The following FGF14 variants were observed in gnomAD, a reference collection of about 807,000 sequenced individuals.
FGF14 encodes fibroblast growth factor 14.
FGF14 carries 5 observed loss-of-function variants against 25.5 expected under a neutral mutation model. The observed-to-expected ratio is 0.20, with a 90% CI of 0.10 to 0.41. The LOEUF is 0.41. Among genes scored for constraint, FGF14 ranks in the 10% least tolerant of loss-of-function variants. FGF14 has a pLI of 1.00. For missense variants in FGF14, 222 were observed against 320.1 expected (o/e 0.69, Z 2.34); for synonymous variants, 138 against 118.3 (o/e 1.17, Z -1.08).
At chr13:102,292,779 A>C (rs2054494977) in intron 1 of FGF14, 1 of 152,224 alleles carries the variant, frequency 6.6e-6, no homozygotes, top group Admixed American at 6.5e-5. Context: ...AGACACAATG[A>C]ATGACAATGG....
chr13:102,349,944 A>C (rs1336730165), intron 1 of FGF14, among the ~76,000 whole-genome samples: 1 of 152,240 alleles, frequency 6.6e-6, no homozygotes, highest in Non-Finnish European at 1.5e-5. Flanking sequence ...GGAAAATTAT[A>C]ATTACACATG....
chr13:101,726,065 A>G (rs886805957), intron 4 of FGF14, among the ~76,000 whole-genome samples: 1 of 152,022 alleles, frequency 6.6e-6, no homozygotes, highest in African/African-American at 2.4e-5. Flanking sequence ...ACAGTGAAGA[A>G]TTACACAATT....
intron 1 of FGF14, among the ~76,000 whole-genome samples, chr13:102,378,039 T>C (rs1862792076): frequency 6.6e-6 from 1 of 152,194 alleles, no homozygotes; most frequent in Admixed American, 6.6e-5. Flanking sequence ...GCCTCTAATA[T>C]GTCTACCTTC....
At chr13:102,027,091 G>T (rs1197499319) in intron 1 of FGF14, among the ~76,000 whole-genome samples, 2 of 151,790 alleles carry the variant, frequency 1.3e-5, no homozygotes, top group African/African-American at 2.4e-5. Flanking sequence ...TTCCTCCTTT[G>T]GCATAGTCAA....
intron 1 of FGF14, among the ~76,000 whole-genome samples, chr13:102,388,456 G>A (rs1302051887): frequency 1.3e-5 from 2 of 152,084 alleles, no homozygotes; most frequent in African/African-American, 2.4e-5. Flanking sequence ...TCCAAAAGTC[G>A]ATGGAGGCCA....
chr13:102,323,122 T>C (rs2056306562), intron 1 of FGF14, among the ~76,000 whole-genome samples: 2 of 152,160 alleles, frequency 1.3e-5, no homozygotes, highest in Non-Finnish European at 2.9e-5. Flanking sequence ...AAGTGTAAGG[T>C]TAAAAAAGTT....
intron 1 of FGF14, among the ~76,000 whole-genome samples, chr13:102,090,591 GTCAC>G (rs1238251321): frequency 6.6e-6 from 1 of 152,182 alleles, no homozygotes; most frequent in East Asian, 1.9e-4. Context: ...GACTGTAATG[GTCAC>G]TCAGAGTTGT....
At chr13:102,392,627 TG>T (rs1205811288) in intron 1 of FGF14, among the ~76,000 whole-genome samples, 2 of 152,192 alleles carry the variant, frequency 1.3e-5, no homozygotes, top group Admixed American at 1.3e-4. Context: ...CTCAAGAAGA[TG>T]GAAGTGTTCT....
chr13:101,868,602 A>C, intron 3 of FGF14, 123 bp downstream of exon 3: 1 of 760,682 alleles, frequency 1.3e-6, no homozygotes, highest in Non-Finnish European at 2.4e-6. Flanking sequence ...ATTCTCGCAA[A>C]GATCAAATAC....
chr13:101,906,382 T>G (rs17502680), intron 1 of FGF14, among the ~76,000 whole-genome samples: 7,097 of 152,230 alleles, frequency 0.047, 301 homozygotes, highest in Admixed American at 0.14. Flanking sequence ...AAAAAAGCCA[T>G]GAACAAATAT....
Position 101,939,730 on chromosome 13 carries a change from A to T in FGF14, c.209-64434T>A, listed in dbSNP as rs371990434. The stretch of plus-strand genomic sequence containing the variant: ...TTTGTATACCTGCATTATCCGTCTG[A>T]ACCAGTCTCACTATCAGAAGGATTC... On this transcript the variant is annotated intron_variant, in intron 1 of 4. Transcript: ENST00000376131. Among the ~76,000 whole-genome samples, 92 of 152,334 alleles carry T rather than the reference A, an allele frequency of 6.0e-4. 3 individuals carry two copies. The South Asian group carries it at 0.019, about 31-fold the overall frequency.
intron 1 of FGF14, among the ~76,000 whole-genome samples, chr13:102,209,393 G>A (rs2050071211): frequency 6.6e-6 from 1 of 152,186 alleles, no homozygotes; most frequent in South Asian, 2.1e-4. Context: ...GGTGTCTGAA[G>A]CTGAGTATGT....
chr13:101,837,180 G>A (rs1363146119), intron 3 of FGF14, among the ~76,000 whole-genome samples: 3 of 151,846 alleles, frequency 2.0e-5, no homozygotes, highest in Non-Finnish European at 4.4e-5. Flanking sequence ...GTGTGTGTGT[G>A]TGTATGTGTG....
rs558043004 is a variant in FGF14 at position 102,219,002 on chromosome 13, C to T, written c.208+182469G>A. Among the ~76,000 whole-genome samples the T allele has an allele frequency of 2.0e-5, 3 of 152,206 alleles. No homozygotes were observed. The South Asian group carries it at 6.2e-4, about 32-fold the overall frequency. On this transcript the variant is annotated intron_variant, in intron 1 of 4. Transcript: ENST00000376131. ...CATGATGTATTTGGATACCGGCATA[C>T]AATGCATAATAATCACATATCACAT...
At chr13:102,217,443 C>A (rs529932924) in intron 1 of FGF14, among the ~76,000 whole-genome samples, 2 of 152,300 alleles carry the variant, frequency 1.3e-5, no homozygotes, top group East Asian at 1.9e-4. Context: ...CTCAGTGTTA[C>A]AACAACTGTG....
intron 1 of FGF14, among the ~76,000 whole-genome samples, chr13:102,139,652 A>T (rs952496146): frequency 1.3e-5 from 2 of 152,140 alleles, no homozygotes; most frequent in Non-Finnish European, 2.9e-5. Flanking sequence ...AGAGGGACTT[A>T]GAATAGGCTC....
chr13:102,182,460 T>A (rs2048716041), intron 1 of FGF14, among the ~76,000 whole-genome samples: 2 of 152,208 alleles, frequency 1.3e-5, no homozygotes, highest in Non-Finnish European at 2.9e-5. Context: ...AAGTTTCTGA[T>A]AATACGTTAT....
intron 3 of FGF14, among the ~76,000 whole-genome samples, chr13:101,793,230 A>G (rs1052234274): frequency 3.3e-5 from 5 of 152,036 alleles, no homozygotes; most frequent in African/African-American, 1.2e-4. Flanking sequence ...CATGAGTGCA[A>G]TTGTTTTACA....
intron 1 of FGF14, among the ~76,000 whole-genome samples, chr13:102,102,232 G>A (rs1033561190): frequency 3.3e-5 from 5 of 152,172 alleles, no homozygotes; most frequent in Non-Finnish European, 5.9e-5. Context: ...CAAGAACAAG[G>A]TGTAAGAAGA....
Sources: gnomAD v4.1 joint callset for allele counts (sites outside exome capture counted in the v4.1 genomes callset) on GRCh38, gnomAD v4.1.1 for gene constraint, MANE v1.5 for transcripts, NCBI Gene and HGNC (gene_info 2026-07-23, HGNC 2026-07-21) for gene names.